The following PUM2 variants were observed in gnomAD, a reference collection of about 807,000 sequenced individuals.
PUM2 encodes the protein pumilio RNA binding family member 2, also known as pumilio homolog 2.
A neutral mutation model predicts 124.5 loss-of-function variants in PUM2; 57 were observed. That is an observed-to-expected ratio of 0.46 (90% confidence interval 0.37 to 0.57). The LOEUF (loss-of-function observed/expected upper bound fraction) is 0.57. Ranked by LOEUF, PUM2 falls within the 20% of genes least tolerant of loss-of-function variation. PUM2 has a pLI of 0.00. For missense variants in PUM2, 1,065 were observed against 1,290.6 expected, an observed-to-expected ratio of 0.83 and a Z score of 2.68; for synonymous variants, 460 against 446.1, an observed-to-expected ratio of 1.03 and a Z score of -0.39.
intron 15 of PUM2, among the ~76,000 whole-genome samples, chr2:20,258,718 A>ACTG (rs1204248683): frequency 2.4e-5 from 3 of 127,338 alleles, no homozygotes; most frequent in Non-Finnish European, 4.7e-5. Context: ...TGGACTGCGG[A>ACTG]CTGCAGTGGC....
Position 20,253,857 on chromosome 2 carries a change from C to T in PUM2, c.3028G>A (p.Ala1010Thr). Reference sequence around the variant, plus strand: ...ATTATCTTTCTCTGAGCAGGTTCAGCCATATCAATCATCTTTTGAACCACG... The same window carrying T: ...ATTATCTTTCTCTGAGCAGGTTCAGTCATATCAATCATCTTTTGAACCACG... ...NYVVQKMIDM[A>T]EPAQRKIIMH... The change falls in exon 20 of 21, where the codon GCT becomes ACT. Residue 1010 changes from alanine to threonine, a missense_variant. Transcript: ENST00000361078. The T allele has an allele frequency of 4.3e-6, 7 of 1,613,814 alleles. No individual in the cohort carries two copies. The highest frequency in any genetic ancestry group is 5.9e-6 in the Non-Finnish European group (7 of 1,179,788).
chr2:20,299,416 C>T (rs189572987), intron 7 of PUM2, among the ~76,000 whole-genome samples: 6 of 152,084 alleles, frequency 3.9e-5, no homozygotes, highest in Admixed American at 1.3e-4. Context: ...TGTGATCCCA[C>T]GACTTTGGGA....
chr2:20,272,906 C>A (rs1669368034), intron 13 of PUM2, among the ~76,000 whole-genome samples: 1 of 152,164 alleles, frequency 6.6e-6, no homozygotes, highest in Admixed American at 6.5e-5. Flanking sequence ...CACAACAAAA[C>A]CAACTCCAGT....
At chr2:20,278,863 C>T in intron 12 of PUM2, 44 bp from the exon 13 acceptor site, 1 of 1,443,492 alleles carries the variant, frequency 6.9e-7, no homozygotes, top group Non-Finnish European at 9.6e-7. Flanking sequence ...ACAGTGTTAA[C>T]TGAATAAAAT....
At chr2:20,285,300 C>A (rs1006950673) in intron 10 of PUM2, among the ~76,000 whole-genome samples, 20 of 152,146 alleles carry the variant, frequency 1.3e-4, no homozygotes, top group Admixed American at 1.3e-4. Context: ...GCTCTTTTGT[C>A]CCATGTCTGT....
intron 13 of PUM2, among the ~76,000 whole-genome samples, chr2:20,266,828 T>A (rs1667773333): frequency 6.6e-6 from 1 of 151,916 alleles, no homozygotes; most frequent in Non-Finnish European, 1.5e-5. Context: ...GGGCCCCCAT[T>A]GTCAATCTCC....
rs1460742454 is a variant in PUM2 at position 20,319,996 on chromosome 2, G to A, written c.52-1351C>T. ...TAAAAGAGGGTACTGGGCCAGGAGAGGTGGCTCACACCTGTAATCCCAGCA... is the reference window on the plus strand; with the variant it reads ...TAAAAGAGGGTACTGGGCCAGGAGAAGTGGCTCACACCTGTAATCCCAGCA... On this transcript the variant is annotated intron_variant, in intron 2 of 20. Coordinates refer to ENST00000361078, the MANE Select transcript of PUM2 (RefSeq NM_015317.5). Among the ~76,000 whole-genome samples, 4 of 152,160 alleles carry A rather than the reference G, an allele frequency of 2.6e-5. No individual in the cohort carries two copies. The East Asian group carries it at 7.7e-4, about 29-fold the overall frequency.
In PUM2 at chr2:20,261,299, G is replaced by A. The variant is rs574080275; in HGVS notation, c.2226-833C>T. ...CCAGCTACTCAGGAGGCTGAGGCAGGAGAATCACTTGAACCCAGGAGGCGG... is the reference window on the plus strand; with the variant it reads ...CCAGCTACTCAGGAGGCTGAGGCAGAAGAATCACTTGAACCCAGGAGGCGG... On this transcript the variant is annotated intron_variant, in intron 14 of 20. Transcript: ENST00000361078. Among the ~76,000 whole-genome samples the A allele has an allele frequency of 2.7e-3, 400 of 145,624 alleles. 3 individuals are homozygous for A. Among genetic ancestry groups the A allele is most frequent in the African/African-American group, 9.8e-3 (383 of 39,218 alleles).
intron 2 of PUM2, among the ~76,000 whole-genome samples, chr2:20,321,314 G>A (rs978134830): frequency 2.0e-5 from 3 of 152,012 alleles, no homozygotes; most frequent in Admixed American, 6.6e-5. Flanking sequence ...AAGAAAAAAC[G>A]CAAATTGTTT....
intron 1 of PUM2, among the ~76,000 whole-genome samples, chr2:20,349,425 CCAT>C (rs1573065936): frequency 1.3e-5 from 2 of 152,068 alleles, no homozygotes; most frequent in African/African-American, 4.8e-5. Flanking sequence ...ACGGAAAATG[CCAT>C]CATTTTTATT....
In PUM2 at chr2:20,312,400, T is replaced by C. The variant is rs1359937004; in HGVS notation, c.184A>G (p.Met62Val). The C allele has an allele frequency of 3.1e-6, 5 of 1,613,442 alleles. No individual in the cohort carries two copies. The highest frequency in any genetic ancestry group is 4.2e-6 in the Non-Finnish European group (5 of 1,179,714). ...CCCTGTCCAGATCTTCTCTGTACCA[T>C]AATAGGCTGGGACATTGAATGGTCT... ...ASHHSMSQPI[M>V]VQRRSGQGFH... The change falls in exon 4 of 21, where the codon ATG (methionine) becomes GTG (valine). Residue 62 changes from methionine to valine, a missense_variant. By Grantham distance (21) the Met-to-Val change is conservative (BLOSUM62 1). This residue lies in a region of PUM2 where 90 missense variants were observed against 103.6 expected (regional missense o/e 0.87). Transcript: ENST00000361078.
intron 7 of PUM2, among the ~76,000 whole-genome samples, chr2:20,307,499 T>C (rs1401918424): frequency 1.3e-5 from 2 of 152,188 alleles, no homozygotes; most frequent in African/African-American, 4.8e-5. Context: ...TAGGGGGAAC[T>C]GGGTAAAGGG....
upstream of PUM2, chr2:20,352,064 C>T (rs552666721): frequency 6.6e-6 from 1 of 152,362 alleles, no homozygotes; most frequent in East Asian, 1.9e-4. Context: ...TGTACTGTCT[C>T]TGTAATTGGC....
At chr2:20,260,488 T>C (rs1665912473) in intron 14 of PUM2, 22 bp from the exon 15 acceptor site, 2 of 1,582,012 alleles carry the variant, frequency 1.3e-6, no homozygotes, top group South Asian at 1.1e-5. Flanking sequence ...ACATTTTTAA[T>C]ATGACAATAT....
At chr2:20,334,918 G>A (rs996333522) in intron 1 of PUM2, among the ~76,000 whole-genome samples, 12 of 152,076 alleles carry the variant, frequency 7.9e-5, no homozygotes, top group Non-Finnish European at 1.0e-4. Flanking sequence ...AAGCTTCTTA[G>A]GACATATTCT....
At chr2:20,294,921 T>C (rs910905987) in intron 8 of PUM2, among the ~76,000 whole-genome samples, 1 of 152,230 alleles carries the variant, frequency 6.6e-6, no homozygotes, top group African/African-American at 2.4e-5. Flanking sequence ...ACTTTTAAAA[T>C]ATTTTACTTT....
At chr2:20,347,890 T>G (rs1688548921) in intron 1 of PUM2, among the ~76,000 whole-genome samples, 1 of 152,230 alleles carries the variant, frequency 6.6e-6, no homozygotes, top group Admixed American at 6.5e-5. Flanking sequence ...AAGTGCTTTC[T>G]GCAGGGAGAA....
intron 10 of PUM2, among the ~76,000 whole-genome samples, chr2:20,290,279 T>C (rs752316163): frequency 7.9e-5 from 12 of 152,218 alleles, no homozygotes; most frequent in Admixed American, 2.6e-4. Context: ...TGCTATTAAC[T>C]AAAAGATTAT....
chr2:20,294,621 T>C lies in PUM2; in HGVS notation c.1010-103A>G, dbSNP rs527907551. On this transcript the variant is annotated intron_variant, in intron 8 of 20. Transcript: ENST00000361078. The stretch of plus-strand genomic sequence containing the variant: ...TTATAAAAGGGGGCAGGAAGAAGAC[T>C]TAGAGAAGAACATGTCTTTATAATA... 7.0e-5 allele frequency: 90 copies of C among 1,285,130 alleles called. 1 individual carries two copies. In the South Asian group the frequency reaches 1.3e-3, roughly 18 times the overall value. The allele number at this position is 1,285,130 out of a possible 1,614,324, so 79.6% of individuals were successfully genotyped here.
Sources: allele counts gnomAD v4.1 joint callset (sites outside exome capture counted in the v4.1 genomes callset), GRCh38; gene constraint gnomAD v4.1.1; regional missense constraint gnomAD v4.1.1; transcripts MANE v1.5; gene names NCBI Gene and HGNC (gene_info 2026-07-23, HGNC 2026-07-21).